Variants in DGKI observed in about 807,000 individuals in gnomAD.
DGKI encodes the protein DAG kinase iota.
A neutral mutation model predicts 147.5 loss-of-function variants in DGKI; 55 were observed. That is an observed-to-expected ratio of 0.37 (90% CI 0.30 to 0.47). The LOEUF (loss-of-function observed/expected upper bound fraction) is 0.47, where lower values mean the gene tolerates loss of function less well. Among genes scored for constraint, DGKI ranks in the 20% least tolerant of loss-of-function variants. DGKI has a pLI of 1.00. For missense variants in DGKI, 1,007 were observed against 1,323.8 expected, an observed-to-expected ratio of 0.76 and a Z score of 3.71; for synonymous variants, 469 against 477.1, an observed-to-expected ratio of 0.98 and a Z score of 0.22.
chr7:137,698,994 T>C (rs1388995977), intron 1 of DGKI, among the ~76,000 whole-genome samples: 1 of 152,222 alleles, frequency 6.6e-6, no homozygotes, highest in East Asian at 1.9e-4. Context: ...TTTGGGCTGC[T>C]CTAACAAAGC....
chr7:137,524,421 C>G (rs1817069745), intron 20 of DGKI, among the ~76,000 whole-genome samples: 1 of 151,916 alleles, frequency 6.6e-6, no homozygotes, highest in South Asian at 2.1e-4. Flanking sequence ...AAAGCACGTC[C>G]ATATGTAAAT....
At chr7:137,606,312 TAAAAAAAAAG>T (rs1169852033) in intron 10 of DGKI, among the ~76,000 whole-genome samples, 2 of 149,124 alleles carry the variant, frequency 1.3e-5, no homozygotes, top group Non-Finnish European at 3.0e-5. Flanking sequence ...AAAAATTTTT[TAAAAAAAAAG>T]AAAAAAAAAG....
intron 21 of DGKI, among the ~76,000 whole-genome samples, chr7:137,508,893 G>A (rs1374897050): frequency 6.6e-6 from 1 of 152,058 alleles, no homozygotes; most frequent in Non-Finnish European, 1.5e-5. Context: ...CTTTGCTGAT[G>A]AGATCATCCT....
At chr7:137,526,721 T>TCTC in intron 20 of DGKI, among the ~76,000 whole-genome samples, 1 of 152,142 alleles carries the variant, frequency 6.6e-6, no homozygotes, top group East Asian at 1.9e-4. Context: ...TATTCTCTGC[T>TCTC]CTCCTGTAGA....
At chr7:137,552,875 G>T (rs926046502) in intron 19 of DGKI, among the ~76,000 whole-genome samples, 1 of 151,810 alleles carries the variant, frequency 6.6e-6, no homozygotes, top group Non-Finnish European at 1.5e-5. Flanking sequence ...AGGTCAAGCC[G>T]CTGCACTCCA....
chr7:137,672,766 C>CCTTTTT (rs1374893677), intron 3 of DGKI, among the ~76,000 whole-genome samples: 1 of 65,664 alleles, frequency 1.5e-5, no homozygotes, highest in African/African-American at 7.2e-5. Context: ...CTCTGTGTGT[C>CCTTTTT]TTTTTTTTTT....
intron 12 of DGKI, among the ~76,000 whole-genome samples, chr7:137,593,073 AT>A (rs1427082456): frequency 6.6e-6 from 1 of 152,178 alleles, no homozygotes; most frequent in Non-Finnish European, 1.5e-5. Context: ...GATGTCTACC[AT>A]TTGGGATGCT....
chr7:137,575,969 T>C lies in DGKI; in HGVS notation c.1761+1253A>G, dbSNP rs1818955354. Among the ~76,000 whole-genome samples the C allele has an allele frequency of 2.0e-5, 3 of 152,078 alleles. 1 individual carries two copies. The highest frequency in any genetic ancestry group is 4.1e-4 in the South Asian group (2 of 4,824). ...TTCTTCATATCTCATTAGCTTAAGA[T>C]CATATATTTTTCTCTATTTTCATGT... On this transcript the variant is annotated intron_variant, in intron 17 of 32. Transcript: ENST00000614521.
intron 27 of DGKI, among the ~76,000 whole-genome samples, chr7:137,452,086 G>A (rs535764738): frequency 6.6e-6 from 1 of 152,286 alleles, no homozygotes; most frequent in South Asian, 2.1e-4. Context: ...ACAAATGAAT[G>A]TCTATCTCTA....
chr7:137,736,423 C>A (rs1331756153), intron 1 of DGKI, among the ~76,000 whole-genome samples: 1 of 152,106 alleles, frequency 6.6e-6, no homozygotes, highest in African/African-American at 2.4e-5. Context: ...AATTATTTAG[C>A]TCCTCTATGG....
chr7:137,623,336 G>T, intron 7 of DGKI, 147 bp downstream of exon 7: 1 of 712,042 alleles, frequency 1.4e-6, no homozygotes, highest in Non-Finnish European at 2.4e-6. Flanking sequence ...GTTTCAGTCT[G>T]TCTTTCTTCC....
chr7:137,519,336 A>C (rs1305655374), intron 21 of DGKI, among the ~76,000 whole-genome samples: 2 of 152,080 alleles, frequency 1.3e-5, no homozygotes, highest in Non-Finnish European at 2.9e-5. Context: ...CTTGTTATCT[A>C]ACGGGAACAA....
intron 28 of DGKI, among the ~76,000 whole-genome samples, chr7:137,421,872 T>C (rs564429949): frequency 6.6e-6 from 1 of 152,308 alleles, no homozygotes; most frequent in Non-Finnish European, 1.5e-5. Context: ...TTCAATACAC[T>C]TTAAAATCTG....
chr7:137,612,670 C>T (rs866204067), intron 8 of DGKI, among the ~76,000 whole-genome samples: 4 of 152,050 alleles, frequency 2.6e-5, no homozygotes, highest in East Asian at 3.9e-4. Context: ...CAAAAGAGCA[C>T]GCTTTTCGAG....
Position 137,545,332 on chromosome 7 carries a change from A to C in DGKI, c.2147+7037T>G, listed in dbSNP as rs1229592402. Among the ~76,000 whole-genome samples, 2 of 152,228 alleles carry C rather than the reference A, an allele frequency of 1.3e-5. 1 individual carries two copies. The highest frequency in any genetic ancestry group is 4.1e-4 in the South Asian group (2 of 4,832). On this transcript the variant is annotated intron_variant, in intron 20 of 32. Coordinates refer to ENST00000614521, the MANE Select transcript of DGKI (RefSeq NM_001321708.2). ...TAATTCTGAGCTGAAATGCTAAAAA[A>C]CATATTTTTTTGTTCTCACTAGAAA...
At position 137,615,521 on chromosome 7, in the gene DGKI, ATATG is replaced by A. The variant is rs752991647; in HGVS notation, c.993+4299_993+4302del. Reference sequence around the variant, plus strand: ...TATAGATACATATACATATATGTGTATATGTATGTATGTGTGTGTGTGTGTGTGT... The same window carrying A: ...TATAGATACATATACATATATGTGTATATGTATGTGTGTGTGTGTGTGTGT... On this transcript the variant is annotated intron_variant, in intron 8 of 32. Transcript: ENST00000614521. Among the ~76,000 whole-genome samples the A allele has an allele frequency of 3.4e-3, 497 of 144,428 alleles. 5 individuals are homozygous for A. The highest frequency in any genetic ancestry group is 0.012 in the African/African-American group (435 of 37,062). The allele number at this position is 144,428 out of a possible 152,430, so 94.8% of individuals were successfully genotyped here. A position where few individuals can be genotyped will look rare whatever the true frequency, so the allele number is the denominator to read the frequency against.
chr7:137,438,354 T>A (rs61023377), intron 28 of DGKI, among the ~76,000 whole-genome samples: 15,972 of 152,172 alleles, frequency 0.1, 2,453 homozygotes, highest in African/African-American at 0.34. Flanking sequence ...AATCATTGAC[T>A]ACAAATTAAA....
intron 30 of DGKI, among the ~76,000 whole-genome samples, chr7:137,407,013 A>G (rs955858258): frequency 2.6e-5 from 4 of 150,986 alleles, no homozygotes; most frequent in Admixed American, 6.6e-5. Context: ...TTGGGTACAA[A>G]AGGAGTCAGC....
At chr7:137,579,298 A>G (rs2128979981) in intron 15 of DGKI, among the ~76,000 whole-genome samples, 1 of 152,220 alleles carries the variant, frequency 6.6e-6, no homozygotes, top group Non-Finnish European at 1.5e-5. Context: ...GCCACTCACT[A>G]TCTACTGACA....
Sources: allele counts gnomAD v4.1 joint callset (sites outside exome capture counted in the v4.1 genomes callset), GRCh38; gene constraint gnomAD v4.1.1; transcripts MANE v1.5; gene names NCBI Gene and HGNC (gene_info 2026-07-23, HGNC 2026-07-21).